PPP1R3B: variants seen among roughly 807,000 people sequenced by gnomAD.
PPP1R3B encodes protein phosphatase 1 regulatory subunit 3B, also known as PP1 subunit R4.
A neutral mutation model predicts 14.6 loss-of-function variants in PPP1R3B; 8 were observed. The ratio of observed to expected loss-of-function variants is 0.55; its 90% CI spans 0.32 to 0.99. PPP1R3B has a LOEUF of 0.99. PPP1R3B is among the 50% of genes least tolerant of loss of function. The probability of loss-of-function intolerance (pLI) is 0.04; values close to 1 mark genes in which losing one functional copy is unlikely to be tolerated. For missense variants in PPP1R3B, 452 were observed against 360.1 expected (o/e 1.26, Z -2.07); for synonymous variants, 169 against 142.0 (o/e 1.19, Z -1.35).
chr8:9,148,722 G>C (rs1206841280), intron 1 of PPP1R3B, among the ~76,000 whole-genome samples: 1 of 151,394 alleles, frequency 6.6e-6, no homozygotes, highest in Non-Finnish European at 1.5e-5. Flanking sequence ...GACGGCCATG[G>C]TGATAACTAT....
rs573658267 is a variant in PPP1R3B, at chr8:9,145,038, T to C, written c.-17-3370A>G. 3.3e-5 allele frequency among the ~76,000 whole-genome samples: 5 copies of C among 152,298 alleles called. No homozygotes were observed. In the East Asian group the frequency reaches 7.7e-4, roughly 23 times the overall value. On this transcript the variant is annotated intron_variant, in intron 1 of 1. Coordinates refer to ENST00000310455, the MANE Select transcript of PPP1R3B (RefSeq NM_024607.4). ...TGGGATTGCAGGCGGGGAGCCATCATGGCCAGCCCATGTGATGTAATTTTA... is the reference window on the plus strand; with the variant it reads ...TGGGATTGCAGGCGGGGAGCCATCACGGCCAGCCCATGTGATGTAATTTTA...
At position 9,137,497 on chromosome 8, in the gene PPP1R3B, T is replaced by TA. The variant is rs1800925471; in HGVS notation, c.*3296_*3297insT. The TA allele has an allele frequency of 6.6e-6, 1 of 152,210 alleles. No homozygotes were observed. Among genetic ancestry groups the TA allele is most frequent in the Non-Finnish European group, 1.5e-5 (1 of 68,062 alleles). The allele number at this position is 152,210 out of a possible 1,614,324, so 9.4% of individuals were successfully genotyped here. On this transcript the variant is annotated 3_prime_UTR_variant, in exon 2 of 2. Transcript: ENST00000310455. ...CAGTGAAGTCTCCAAGTAAGAAACCTGTCACCCTCTGAAGTGTGTAGGCTT... is the reference window on the plus strand; with the variant it reads ...CAGTGAAGTCTCCAAGTAAGAAACCTAGTCACCCTCTGAAGTGTGTAGGCTT...
At position 9,137,216 on chromosome 8, in the gene PPP1R3B, TAG is replaced by T. The variant is rs1358500129; in HGVS notation, c.*3576_*3577del. On this transcript the variant is annotated 3_prime_UTR_variant, in exon 2 of 2. Transcript: ENST00000310455. ...CACTCAAATGCTTCATGTCTTCCAA[TAG>T]ATACTGAAAGCTTATTTATTAAATA... The T allele has an allele frequency of 6.6e-6, 1 of 152,238 alleles. No homozygotes were observed. The highest frequency in any genetic ancestry group is 2.4e-5 in the African/African-American group (1 of 41,472). 9.4% of individuals were successfully genotyped at this position (152,238 alleles called of 1,614,324 possible).
At position 9,137,661 on chromosome 8, in the gene PPP1R3B, G is replaced by A. The variant is rs527330509; in HGVS notation, c.*3133C>T. The A allele has an allele frequency of 1.6e-4, 25 of 152,480 alleles. No homozygotes were observed. The highest frequency in any genetic ancestry group is 5.5e-4 in the African/African-American group (23 of 41,566). 9.4% of individuals were successfully genotyped at this position (152,480 alleles called of 1,614,324 possible). ...CAGGAGGGTAGCAGAGGAGCAAGTG[G>A]TAAACAGAAGACAGATAGAAGGCAG... On this transcript the variant is annotated 3_prime_UTR_variant, in exon 2 of 2. Coordinates refer to ENST00000310455, the MANE Select transcript of PPP1R3B (RefSeq NM_024607.4).
rs950881196 is a variant in PPP1R3B, at chr8:9,137,251, A to G, written c.*3543T>C. The G allele has an allele frequency of 6.6e-6, 1 of 152,214 alleles. No homozygotes were observed. The highest frequency in any genetic ancestry group is 2.4e-5 in the African/African-American group (1 of 41,458). The allele number at this position is 152,214 out of a possible 1,614,324, so 9.4% of individuals were successfully genotyped here. A position where few individuals can be genotyped will look rare whatever the true frequency, so the allele number is the denominator to read the frequency against. On this transcript the variant is annotated 3_prime_UTR_variant, in exon 2 of 2. Coordinates refer to ENST00000310455, the MANE Select transcript of PPP1R3B (RefSeq NM_024607.4). ...AAGCTTATTTATTAAATATCTTTGT[A>G]TAATCCAGCTTATTTATTGTACCCA...
chr8:9,139,478 A>G lies in PPP1R3B; in HGVS notation c.*1316T>C, dbSNP rs1395776957. ...CATTTTCTGAAGGTTTCGAGGAGAT[A>G]TTGGATATGCAAATCAAATGTCCTA... On this transcript the variant is annotated 3_prime_UTR_variant, in exon 2 of 2. Coordinates refer to ENST00000310455, the MANE Select transcript of PPP1R3B (RefSeq NM_024607.4). 3 of 152,250 alleles carry G rather than the reference A, an allele frequency of 2.0e-5. No homozygotes were observed. Among genetic ancestry groups the G allele is most frequent in the East Asian group, 1.9e-4 (1 of 5,206 alleles). 9.4% of individuals were successfully genotyped at this position (152,250 alleles called of 1,614,324 possible).
intron 1 of PPP1R3B, among the ~76,000 whole-genome samples, chr8:9,144,302 C>G (rs967479887): frequency 5.3e-5 from 8 of 151,842 alleles, no homozygotes; most frequent in Admixed American, 3.9e-4. Flanking sequence ...GTCCTCCCAC[C>G]TCAGCCTCCC....
intron 1 of PPP1R3B, among the ~76,000 whole-genome samples, chr8:9,150,068 C>A (rs1801372085): frequency 1.3e-5 from 2 of 152,204 alleles, no homozygotes; most frequent in Admixed American, 6.5e-5. Context: ...CTAAATACCT[C>A]AACTGTACTT....
chr8:9,141,842 GAGA>G (rs1232338077), intron 1 of PPP1R3B, 174 bp from the exon 2 acceptor site: 12 of 244,228 alleles, frequency 4.9e-5, no homozygotes, highest in East Asian at 1.7e-4. Flanking sequence ...ATGCGTTTGA[GAGA>G]AGATTATGTT....
rs991552314 is a variant in PPP1R3B at position 9,139,611 on chromosome 8, T to G, written c.*1183A>C. The G allele has an allele frequency of 6.6e-6, 1 of 151,886 alleles. No homozygotes were observed. Among genetic ancestry groups the G allele is most frequent in the Non-Finnish European group, 1.5e-5 (1 of 67,984 alleles). The allele number at this position is 151,886 out of a possible 1,614,324, so 9.4% of individuals were successfully genotyped here. On this transcript the variant is annotated 3_prime_UTR_variant, in exon 2 of 2. Coordinates refer to ENST00000310455, the MANE Select transcript of PPP1R3B (RefSeq NM_024607.4). ...CTGCCCAGGCGGGAATGCAGTGGTG[T>G]GATCTCGGTTCACTGTAAGCTCCGC... is the stretch of plus-strand genomic sequence containing the variant.
rs1161401537 is a variant in PPP1R3B, at chr8:9,136,900, A to T, written c.*3894T>A. ...AGAAAATGGGCAGTTCCAAAAAAGG[A>T]ACACTTTTTTGATTGATAAGCATAT... On this transcript the variant is annotated 3_prime_UTR_variant, in exon 2 of 2. Coordinates refer to ENST00000310455, the MANE Select transcript of PPP1R3B (RefSeq NM_024607.4). 6.6e-6 allele frequency: 1 copy of T among 152,214 alleles called. No homozygotes were observed. Among genetic ancestry groups the T allele is most frequent in the Admixed American group, 6.5e-5 (1 of 15,282 alleles). The allele number at this position is 152,214 out of a possible 1,614,324, so 9.4% of individuals were successfully genotyped here.
intron 1 of PPP1R3B, among the ~76,000 whole-genome samples, chr8:9,142,898 T>C (rs1801129917): frequency 6.6e-6 from 1 of 152,228 alleles, no homozygotes; most frequent in Admixed American, 6.5e-5. Flanking sequence ...TTTTCTTTAT[T>C]CACTCATCCA....
At chr8:9,142,747 T>C (rs1311871677) in intron 1 of PPP1R3B, among the ~76,000 whole-genome samples, 1 of 152,164 alleles carries the variant, frequency 6.6e-6, no homozygotes, top group Non-Finnish European at 1.5e-5. Context: ...ATTCCACATA[T>C]AAGTGAGATC....
intron 1 of PPP1R3B, among the ~76,000 whole-genome samples, chr8:9,149,541 G>A (rs1004234389): frequency 1.4e-4 from 22 of 152,120 alleles, no homozygotes; most frequent in African/African-American, 5.1e-4. Flanking sequence ...AAAAAAATCA[G>A]ATGCACAAGC....
In PPP1R3B at chr8:9,141,102, A is replaced by G. The variant is rs773573674; in HGVS notation, c.550T>C (p.Tyr184His). 2 of 1,614,112 alleles carry G rather than the reference A, an allele frequency of 1.2e-6. No individual in the cohort carries two copies. Among genetic ancestry groups the G allele is most frequent in the South Asian group, 2.2e-5 (2 of 91,086 alleles). ...DFPCQYVKDT[Y>H]AGSDRDTFSF... ...AACGTGTCCCTGTCTGAACCGGCAT[A>G]AGTGTCCTTCACGTACTGACAAGGA... is the stretch of plus-strand genomic sequence containing the variant. Residue 184 changes from tyrosine to histidine, a missense_variant, in exon 2 of 2, where the codon TAT (tyrosine) becomes CAT (histidine). Transcript: ENST00000310455.
upstream of PPP1R3B, chr8:9,150,669 G>A (rs1004552889): frequency 6.6e-6 from 1 of 152,402 alleles, no homozygotes; most frequent in Non-Finnish European, 1.5e-5. Flanking sequence ...CCGGGAGGCA[G>A]GGCCTGGGCT....
Position 9,140,538 on chromosome 8 carries a change from GCA to G in PPP1R3B, c.*254_*255del, listed in dbSNP as rs1301193336. 9.3e-6 allele frequency: 5 copies of G among 539,826 alleles called. No individual in the cohort carries two copies. The highest frequency in any genetic ancestry group is 4.3e-5 in the South Asian group (2 of 46,736). 33.4% of individuals were successfully genotyped at this position (539,826 alleles called of 1,614,324 possible). On this transcript the variant is annotated 3_prime_UTR_variant, in exon 2 of 2. Coordinates refer to ENST00000310455, the MANE Select transcript of PPP1R3B (RefSeq NM_024607.4). ...TCCATACCCTTTCCAGCACAGACGT[GCA>G]CAGACTCTCGTGGCTGCCACAGTGC...
chr8:9,143,004 A>T (rs915803838), intron 1 of PPP1R3B, among the ~76,000 whole-genome samples: 3 of 152,204 alleles, frequency 2.0e-5, no homozygotes, highest in Non-Finnish European at 2.9e-5. Flanking sequence ...ACTGACTTCA[A>T]TTCCTTTGGA....
At chr8:9,145,594 G>A (rs1170283596) in intron 1 of PPP1R3B, among the ~76,000 whole-genome samples, 1 of 152,116 alleles carries the variant, frequency 6.6e-6, no homozygotes, top group African/African-American at 2.4e-5. Context: ...AGTTATATGT[G>A]GATTTTTGAC....
Sources: allele counts gnomAD v4.1 joint callset (sites outside exome capture counted in the v4.1 genomes callset), GRCh38; gene constraint gnomAD v4.1.1; transcripts MANE v1.5; gene names NCBI Gene and HGNC (gene_info 2026-07-23, HGNC 2026-07-21).